ERBB3: variants seen among roughly 807,000 people sequenced by gnomAD.
The protein encoded by ERBB3 is erb-b2 receptor tyrosine kinase 3.
ERBB3 carries 96 observed loss-of-function variants against 156.7 expected under a neutral mutation model. The observed-to-expected ratio is 0.61, with a 90% CI of 0.52 to 0.73. The LOEUF (loss-of-function observed/expected upper bound fraction) is 0.73. ERBB3 is among the 30% of genes least tolerant of loss of function. The pLI is 0.00. For synonymous variants in ERBB3, 567 were observed against 632.0 expected (o/e 0.90, Z 1.54); for missense variants, 1,406 against 1,709.4 (o/e 0.82, Z 3.13).
chr12:56,101,994 T>C lies in ERBB3; in HGVS notation c.3968T>C (p.Phe1323Ser). 6.2e-7 allele frequency: 1 copy of C among 1,613,690 alleles called. No homozygotes were observed. ...LRSLEATDSA[F>S]DNPDYWHSRL... ...AGCTTAGAGGCTACAGACTCTGCCT[T>C]TGATAACCCTGATTACTGGCATAGC... The change falls in exon 28 of 28, where the codon TTT (phenylalanine) becomes TCT (serine). Residue 1323 changes from phenylalanine to serine, a missense_variant. Phe to Ser is a radical substitution (Grantham distance 155, BLOSUM62 -2). Transcript: ENST00000267101.
intron 1 of ERBB3, among the ~76,000 whole-genome samples, chr12:56,082,813 ATTGCCATGGTGAAAGGCTTTT>A: frequency 6.6e-6 from 1 of 152,268 alleles, no homozygotes; most frequent in African/African-American, 2.4e-5. Flanking sequence ...GTGGGTGAGG[ATTGCCATGGTGAAAGGCTTTT>A]TCATGAACCT....
In ERBB3 at chr12:56,088,116, C is replaced by G. The variant is rs2136795459; in HGVS notation, c.828C>G (p.Pro276=). The change falls in exon 7 of 28, where the codon CCC becomes CCG. Residue 276 remains proline (P), a synonymous_variant. Transcript: ENST00000267101. Reference sequence around the variant, plus strand: ...TAACTTTCCAGCTGGAACCCAATCCCCACACCAAGTATCAGTATGGAGGAG... The same window carrying G: ...TAACTTTCCAGCTGGAACCCAATCCGCACACCAAGTATCAGTATGGAGGAG... ...NKLTFQLEPN[P]HTKYQYGGVC... 2 of 1,614,206 alleles carry G rather than the reference C, an allele frequency of 1.2e-6. No homozygotes were observed. The highest frequency in any genetic ancestry group is 1.3e-5 in the African/African-American group (1 of 75,060).
intron 10 of ERBB3, 70 bp from the exon 11 acceptor site, chr12:56,092,916 A>AG: frequency 4.6e-6 from 7 of 1,537,262 alleles, no homozygotes; most frequent in Non-Finnish European, 6.3e-6. Flanking sequence ...CCCAAGTTAT[A>AG]GGGGAGGAGC....
At chr12:56,093,308 A>G in intron 11 of ERBB3, 37 bp from the exon 12 acceptor site, 1 of 1,549,118 alleles carries the variant, frequency 6.5e-7, no homozygotes, top group Admixed American at 1.7e-5. Flanking sequence ...ATGTTCCCTT[A>G]GTAGTCTCTC....
Position 56,092,892 on chromosome 12 carries a change from T to G in ERBB3, c.1183+72T>G, listed in dbSNP as rs568360568. ...TGGCATAAATTGCGGTATAACTACT[T>G]GAGAAAATCACGTCCCAAGTTATAG... is the stretch of plus-strand genomic sequence containing the variant. On this transcript the variant is annotated intron_variant, in intron 10 of 27. Coordinates refer to ENST00000267101, the MANE Select transcript of ERBB3 (RefSeq NM_001982.4). 202 of 1,560,114 alleles carry G rather than the reference T, an allele frequency of 1.3e-4. 2 individuals carry two copies. The South Asian group carries it at 1.9e-3, about 14-fold the overall frequency.
chr12:56,095,760 G>A lies in ERBB3; in HGVS notation c.2009G>A (p.Arg670Gln), dbSNP rs761002408. The A allele has an allele frequency of 9.9e-6, 16 of 1,614,056 alleles. No homozygotes were observed. Among genetic ancestry groups the A allele is most frequent in the South Asian group, 2.2e-5 (2 of 91,090 alleles). The change falls in exon 17 of 28, where the codon CGG becomes CAG. Residue 670 changes from arginine to glutamine, a missense_variant. Physicochemically the swap from Arg to Gln is conservative, Grantham distance 43. Transcript: ENST00000267101. ...ACTTTTCTCTACTGGCGTGGGCGCCGGATTCAGAATAAAAGGGCTATGAGG... is the reference window on the plus strand; with the variant it reads ...ACTTTTCTCTACTGGCGTGGGCGCCAGATTCAGAATAAAAGGGCTATGAGG... ...GGTFLYWRGR[R>Q]IQNKRAMRRY...
At chr12:56,095,335 A>G in intron 16 of ERBB3, 25 bp downstream of exon 16, 2 of 1,600,434 alleles carry the variant, frequency 1.2e-6, no homozygotes, top group Non-Finnish European at 1.7e-6. Context: ...GAGATTCTGG[A>G]AACTGGGGAT....
chr12:56,086,657 G>GT lies in ERBB3; in HGVS notation c.547+2dup, dbSNP rs747963339. The GT allele has an allele frequency of 5.6e-6, 9 of 1,613,900 alleles. No individual in the cohort carries two copies. In the African/African-American group the frequency reaches 1.2e-4, roughly 22 times the overall value. ...GTGGTGAAGGACAATGGCAGAAGCT[G>GT]TAAGTGGCCGTGATCAAGATTGCTC... On this transcript the variant is annotated splice_donor_variant, in intron 4 of 27. Transcript: ENST00000267101. LOFTEE classifies it high-confidence loss of function.
chr12:56,087,730 A>G, intron 5 of ERBB3, 65 bp from the exon 6 acceptor site: 1 of 1,583,506 alleles, frequency 6.3e-7, no homozygotes, highest in Non-Finnish European at 8.7e-7. Context: ...TGGGGGAGGC[A>G]TGAGCAGTGG....
chr12:56,081,432 GC>G (rs1868352876), intron 1 of ERBB3, among the ~76,000 whole-genome samples: 1 of 152,172 alleles, frequency 6.6e-6, no homozygotes, highest in South Asian at 2.1e-4. Flanking sequence ...CACAGCCAGG[GC>G]CCCTTCCCCA....
chr12:56,083,792 G>A lies in ERBB3; in HGVS notation c.124G>A (p.Ala42Thr), dbSNP rs760515344. The change falls in exon 2 of 28, where the codon GCT (alanine) becomes ACT (threonine). Residue 42 changes from alanine to threonine, a missense_variant. Around this residue, in one of 3 missense-constraint regions of ERBB3, gnomAD observed 979 missense variants for 1,219.6 expected, o/e 0.80. Coordinates refer to ENST00000267101, the MANE Select transcript of ERBB3 (RefSeq NM_001982.4). ...TLNGLSVTGD[A>T]ENQYQTLYKL... ...GAATGGCCTGAGTGTGACCGGCGAT[G>A]CTGAGAACCAATACCAGACACTGTA... 1.2e-5 allele frequency: 20 copies of A among 1,614,024 alleles called. No individual in the cohort carries two copies. In the South Asian group the frequency reaches 1.5e-4, roughly 12 times the overall value.
At position 56,102,745 on chromosome 12, in the gene ERBB3, G is replaced by A. The variant is rs2136832995; in HGVS notation, c.*690G>A. 1 of 163,510 alleles carries A rather than the reference G, an allele frequency of 6.1e-6. No homozygotes were observed. The highest frequency in any genetic ancestry group is 2.5e-4 in the South Asian group (1 of 4,060). 10.1% of individuals were successfully genotyped at this position (163,510 alleles called of 1,614,324 possible). A position where few individuals can be genotyped will look rare whatever the true frequency, so the allele number is the denominator to read the frequency against. ...GCACTTTGGGAGGCTGAGGCAGAAGGATTACCTGAGGCAAGGAGTTTGAGA... is the reference window on the plus strand; with the variant it reads ...GCACTTTGGGAGGCTGAGGCAGAAGAATTACCTGAGGCAAGGAGTTTGAGA... On this transcript the variant is annotated 3_prime_UTR_variant, in exon 28 of 28. Transcript: ENST00000267101.
At chr12:56,100,939 CAAAAAAAAAAA>C (rs10536745) in intron 26 of ERBB3, 111 bp from the exon 27 acceptor site, 29 of 303,730 alleles carry the variant, frequency 9.5e-5, no homozygotes, top group African/African-American at 1.2e-4. Context: ...GACTCCACCT[CAAAAAAAAAAA>C]AAAAAAAAAA....
chr12:56,087,593 G>A lies in ERBB3; in HGVS notation c.564G>A (p.Glu188=). 1.2e-6 allele frequency: 2 copies of A among 1,614,158 alleles called. No homozygotes were observed. Among genetic ancestry groups the A allele is most frequent in the South Asian group, 1.1e-5 (1 of 91,086 alleles). Residue 188 remains glutamate, a synonymous_variant, in exon 5 of 28, where the codon GAG becomes GAA. Coordinates refer to ENST00000267101, the MANE Select transcript of ERBB3 (RefSeq NM_001982.4). ...DNGRSCPPCH[E]VCKGRCWGPG... ...CCCAACCAGGTCCCCCCTGTCATGAGGTTTGCAAGGGGCGATGCTGGGGTC... is the reference window on the plus strand; with the variant it reads ...CCCAACCAGGTCCCCCCTGTCATGAAGTTTGCAAGGGGCGATGCTGGGGTC...
At position 56,087,852 on chromosome 12, in the gene ERBB3, A is replaced by G. The variant is rs1326827087; in HGVS notation, c.671A>G (p.Asn224Ser). ...GGTCACTGCTTTGGGCCCAACCCCA[A>G]CCAGTGCTGCCATGATGAGTGTGCC... ...CNGHCFGPNP[N>S]QCCHDECAGG... Residue 224 changes from asparagine (N) to serine (S), a missense_variant, in exon 6 of 28, where the codon AAC (asparagine) becomes AGC (serine). Physicochemically the swap from Asn to Ser is conservative, Grantham distance 46 (BLOSUM62 1). This residue lies in a region of ERBB3 where 979 missense variants were observed against 1,219.6 expected (regional missense o/e 0.80). Coordinates refer to ENST00000267101, the MANE Select transcript of ERBB3 (RefSeq NM_001982.4). 1.9e-6 allele frequency: 3 copies of G among 1,613,932 alleles called. No individual in the cohort carries two copies. Among genetic ancestry groups the G allele is most frequent in the African/African-American group, 1.3e-5 (1 of 74,866 alleles).
intron 23 of ERBB3, chr12:56,099,109 C>A (rs1868998025): frequency 1.7e-5 from 10 of 596,740 alleles, no homozygotes; most frequent in Admixed American, 5.9e-5. Context: ...CAGGCGCCCG[C>A]CACACCTGGA....
intron 5 of ERBB3, 61 bp downstream of exon 5, chr12:56,087,703 A>G (rs1868532214): frequency 1.3e-6 from 2 of 1,597,218 alleles, no homozygotes; most frequent in African/African-American, 1.3e-5. Context: ...TTCCTCCCCA[A>G]GCCTGGGTCA....
At position 56,093,378 on chromosome 12, in the gene ERBB3, G is replaced by C. The variant is rs2229045; in HGVS notation, c.1308G>C (p.Leu436Phe). The C allele has an allele frequency of 6.2e-7, 1 of 1,613,942 alleles. No homozygotes were observed. Among genetic ancestry groups the C allele is most frequent in the South Asian group, 1.1e-5 (1 of 91,068 alleles). ...TCTCATTGTTGATCATGAAGAACTT[G>C]AATGTCACATCTCTGGGCTTCCGAT... ...RGFSLLIMKN[L>F]NVTSLGFRSL... is the part of the protein sequence containing the mutation. The change falls in exon 12 of 28, where the codon TTG becomes TTC. Residue 436 changes from leucine to phenylalanine, a missense_variant. Leu to Phe is a conservative substitution (Grantham distance 22, BLOSUM62 0). This residue lies in a region of ERBB3 where 979 missense variants were observed against 1,219.6 expected (regional missense o/e 0.80). Coordinates refer to ENST00000267101, the MANE Select transcript of ERBB3 (RefSeq NM_001982.4).
Position 56,101,782 on chromosome 12 carries a change from A to G in ERBB3, c.3756A>G (p.Ala1252=), listed in dbSNP as rs1323110482. The G allele has an allele frequency of 6.2e-7, 1 of 1,613,636 alleles. No homozygotes were observed. Among genetic ancestry groups the G allele is most frequent in the South Asian group, 1.1e-5 (1 of 91,060 alleles). ...PLHPVPIMPT[A]GTTPDEDYEY... is the part of the protein sequence containing the mutation. ...ACCCTGTACCCATCATGCCCACTGCAGGCACAACTCCAGATGAAGACTATG... is the reference window on the plus strand; with the variant it reads ...ACCCTGTACCCATCATGCCCACTGCGGGCACAACTCCAGATGAAGACTATG... The change falls in exon 28 of 28, where the codon GCA becomes GCG. Residue 1252 remains alanine (A), a synonymous_variant. Coordinates refer to ENST00000267101, the MANE Select transcript of ERBB3 (RefSeq NM_001982.4).
Sources: allele counts gnomAD v4.1 joint callset (sites outside exome capture counted in the v4.1 genomes callset), GRCh38; gene constraint gnomAD v4.1.1; regional missense constraint gnomAD v4.1.1; transcripts MANE v1.5; gene names NCBI Gene and HGNC (gene_info 2026-07-23, HGNC 2026-07-21).